The following ARHGAP26 variants were observed in gnomAD, a reference collection of about 807,000 sequenced individuals.
ARHGAP26 encodes rho GTPase-activating protein 26.
In ARHGAP26, 38 loss-of-function variants were observed where a neutral mutation model predicts 104.8. The observed-to-expected ratio is 0.36, with a 90% confidence interval of 0.28 to 0.48. The LOEUF (loss-of-function observed/expected upper bound fraction) is 0.48, where lower values mean the gene tolerates loss of function less well. ARHGAP26 is among the 20% of genes least tolerant of loss of function. The pLI, the probability that ARHGAP26 is intolerant of heterozygous loss-of-function variation, is 0.99. For missense variants in ARHGAP26, 704 were observed against 947.9 expected (o/e 0.74, Z 3.38); for synonymous variants, 341 against 340.0 (o/e 1.00, Z -0.03).
intron 17 of ARHGAP26, among the ~76,000 whole-genome samples, chr5:143,092,338 G>C (rs1791575817): frequency 6.6e-6 from 1 of 151,934 alleles, no homozygotes; most frequent in South Asian, 2.1e-4. Flanking sequence ...TAATTTTATT[G>C]TATTTTTAGT....
At chr5:142,958,945 A>G (rs938002412) in intron 11 of ARHGAP26, among the ~76,000 whole-genome samples, 1 of 151,502 alleles carries the variant, frequency 6.6e-6, no homozygotes, top group African/African-American at 2.4e-5. Context: ...AGGAAAATAT[A>G]TAGAGGAAAA....
chr5:143,210,235 G>A (rs1412173227), intron 21 of ARHGAP26, among the ~76,000 whole-genome samples: 3 of 152,284 alleles, frequency 2.0e-5, no homozygotes, highest in South Asian at 2.1e-4. Flanking sequence ...AGGAAGTCAC[G>A]TCTTTCATGG....
chr5:143,052,557 T>A (rs906143174), intron 14 of ARHGAP26, among the ~76,000 whole-genome samples: 2 of 152,208 alleles, frequency 1.3e-5, no homozygotes, highest in African/African-American at 4.8e-5. Context: ...TTGCTCAGTG[T>A]CACCTGCAAA....
Position 142,974,554 on chromosome 5 carries a change from G to A in ARHGAP26, c.1108-39526G>A, listed in dbSNP as rs548711649. 5.9e-5 allele frequency among the ~76,000 whole-genome samples: 9 copies of A among 152,230 alleles called. No individual in the cohort carries two copies. In the East Asian group the frequency reaches 1.5e-3, roughly 26 times the overall value. ...TACAAACTGATGAAATGTTTACAAC[G>A]TGTTTTTTCTGAACATTAACTCATG... On this transcript the variant is annotated intron_variant, in intron 11 of 22. Coordinates refer to ENST00000645722, the MANE Select transcript of ARHGAP26 (RefSeq NM_001135608.3).
rs556327990 is a variant in ARHGAP26 at position 143,000,686 on chromosome 5, A to ACTATG, written c.1108-13392_1108-13388dup. Among the ~76,000 whole-genome samples the ACTATG allele has an allele frequency of 7.2e-5, 11 of 152,380 alleles. No homozygotes were observed. In the East Asian group the frequency reaches 2.1e-3, roughly 29 times the overall value. ...ATGGGGCACATATACACCATGGAAT[A>ACTATG]CTATGCAGCCATAAAAAAGAATGAG... is the stretch of plus-strand genomic sequence containing the variant. On this transcript the variant is annotated intron_variant, in intron 11 of 22. Coordinates refer to ENST00000645722, the MANE Select transcript of ARHGAP26 (RefSeq NM_001135608.3).
intron 20 of ARHGAP26, among the ~76,000 whole-genome samples, chr5:143,186,418 T>C (rs1805145224): frequency 6.6e-6 from 1 of 152,120 alleles, no homozygotes; most frequent in South Asian, 2.1e-4. Flanking sequence ...GGACTCAGAC[T>C]CCTCACTATG....
chr5:142,822,888 C>G (rs1273205710), intron 1 of ARHGAP26, among the ~76,000 whole-genome samples: 1 of 152,120 alleles, frequency 6.6e-6, no homozygotes, highest in African/African-American at 2.4e-5. Flanking sequence ...ACGTGGGAGA[C>G]CAGTCAGTAA....
intron 4 of ARHGAP26, among the ~76,000 whole-genome samples, chr5:142,884,025 T>A (rs1186657413): frequency 6.6e-6 from 1 of 152,236 alleles, no homozygotes; most frequent in African/African-American, 2.4e-5. Context: ...ATTTTTTCTC[T>A]TCTAGGCTTT....
intron 1 of ARHGAP26, among the ~76,000 whole-genome samples, chr5:142,790,774 T>A (rs1289986719): frequency 6.6e-6 from 1 of 152,212 alleles, no homozygotes; most frequent in Non-Finnish European, 1.5e-5. Flanking sequence ...CAGGTTTTTA[T>A]GTCATCAGCC....
chr5:142,771,972 G>A (rs567061336), intron 1 of ARHGAP26, among the ~76,000 whole-genome samples: 3 of 152,296 alleles, frequency 2.0e-5, no homozygotes, highest in African/African-American at 7.2e-5. Context: ...TTAAGAATCA[G>A]GAACCACATG....
intron 10 of ARHGAP26, among the ~76,000 whole-genome samples, chr5:142,923,527 C>T (rs1332578852): frequency 1.3e-5 from 2 of 152,158 alleles, no homozygotes; most frequent in Non-Finnish European, 2.9e-5. Context: ...GTGAATAATG[C>T]CTTGTCCTTG....
At chr5:142,919,720 A>G (rs1376483536) in intron 10 of ARHGAP26, among the ~76,000 whole-genome samples, 1 of 151,880 alleles carries the variant, frequency 6.6e-6, no homozygotes, top group African/African-American at 2.4e-5. Flanking sequence ...TTTTTGGCCT[A>G]GCGTGATGAC....
At chr5:142,907,472 G>A (rs1458376536) in intron 8 of ARHGAP26, 1 of 270,126 alleles carries the variant, frequency 3.7e-6, no homozygotes, top group Non-Finnish European at 7.2e-6. Context: ...GCATCAATGG[G>A]AAACAGTCTT....
At chr5:142,821,300 G>GTTT (rs71576157) in intron 1 of ARHGAP26, among the ~76,000 whole-genome samples, 2 of 106,360 alleles carry the variant, frequency 1.9e-5, no homozygotes, top group African/African-American at 7.7e-5. Context: ...AGGTAGAGTG[G>GTTT]TTTTTTTTTT....
intron 17 of ARHGAP26, among the ~76,000 whole-genome samples, chr5:143,105,836 A>T (rs909074512): frequency 2.0e-5 from 3 of 152,246 alleles, no homozygotes; most frequent in African/African-American, 7.2e-5. Flanking sequence ...GGATTTATTA[A>T]CTCATTTCTT....
chr5:142,779,424 G>GGGGT (rs535615737), intron 1 of ARHGAP26, among the ~76,000 whole-genome samples: 1 of 149,668 alleles, frequency 6.7e-6, no homozygotes, highest in African/African-American at 2.5e-5. Context: ...GGGTTAGGGT[G>GGGGT]GTGTGTGTGT....
At chr5:142,928,052 A>G (rs1370502395) in intron 10 of ARHGAP26, among the ~76,000 whole-genome samples, 1 of 152,130 alleles carries the variant, frequency 6.6e-6, no homozygotes, top group Non-Finnish European at 1.5e-5. Flanking sequence ...TCTGGATATG[A>G]TTCTTGCAGG....
At chr5:143,120,176 A>G (rs904699843) in intron 17 of ARHGAP26, among the ~76,000 whole-genome samples, 1 of 152,234 alleles carries the variant, frequency 6.6e-6, no homozygotes, top group Admixed American at 6.5e-5. Flanking sequence ...GTTTTTATAC[A>G]TGGGGCCAGC....
intron 17 of ARHGAP26, among the ~76,000 whole-genome samples, chr5:143,079,685 C>T (rs551972518): frequency 6.6e-6 from 1 of 152,264 alleles, no homozygotes. Flanking sequence ...TCAATGACTC[C>T]TTGGGATATT....
Sources: gnomAD v4.1 joint callset for allele counts (sites outside exome capture counted in the v4.1 genomes callset) on GRCh38, gnomAD v4.1.1 for gene constraint, MANE v1.5 for transcripts, NCBI Gene and HGNC (gene_info 2026-07-23, HGNC 2026-07-21) for gene names.